ZNF578: variants seen among roughly 807,000 people sequenced by gnomAD.
ZNF578 encodes Putative chemokine-related protein B42.
ZNF578 carries 8 observed loss-of-function variants against 8.3 expected under a neutral mutation model. The observed-to-expected ratio is 0.96, with a 90% CI of 0.56 to 1.74. ZNF578 has a LOEUF of 1.74. Ranked by LOEUF, ZNF578 falls within the 40% of genes most tolerant of loss-of-function variation. The probability of loss-of-function intolerance (pLI) is 0.00; values close to 1 mark genes in which losing one functional copy is unlikely to be tolerated. For missense variants in ZNF578, 726 were observed against 707.5 expected (o/e 1.03, Z -0.30); for synonymous variants, 206 against 232.2 (o/e 0.89, Z 1.03).
At chr19:52,489,836 T>A (rs758482221) in intron 2 of ZNF578, among the ~76,000 whole-genome samples, 1 of 151,962 alleles carries the variant, frequency 6.6e-6, no homozygotes, top group Non-Finnish European at 1.5e-5. Context: ...TTTTGTACTT[T>A]TAGTAGAGAT....
chr19:52,510,041 C>T (rs12974840), intron 5 of ZNF578, among the ~76,000 whole-genome samples: 43,070 of 151,752 alleles, frequency 0.28, 6,504 homozygotes, highest in East Asian at 0.48. Context: ...GCCAGCACAC[C>T]TGGCTAATTT....
At chr19:52,462,600 G>A (rs1433852486) in intron 2 of ZNF578, among the ~76,000 whole-genome samples, 5 of 152,182 alleles carry the variant, frequency 3.3e-5, no homozygotes, top group Non-Finnish European at 1.5e-5. Flanking sequence ...CGAGTTTAGT[G>A]GTTTTTGTTG....
Position 52,504,801 on chromosome 19 carries a change from A to G in ZNF578, c.190+20A>G. On this transcript the variant is annotated intron_variant, in intron 5 of 5. Transcript: ENST00000421239. ...CTGTGGGTGAGGAAAATGTCCCTGC[A>G]GACATGAGGAGTCTGCTCTTGTCTG... 1 of 1,613,810 alleles carries G rather than the reference A, an allele frequency of 6.2e-7. No homozygotes were observed. The highest frequency in any genetic ancestry group is 8.5e-7 in the Non-Finnish European group (1 of 1,179,918).
chr19:52,493,676 A>G (rs1002197925), intron 3 of ZNF578, among the ~76,000 whole-genome samples: 4 of 152,034 alleles, frequency 2.6e-5, no homozygotes, highest in African/African-American at 9.6e-5. Context: ...CGATCGAAAG[A>G]TTGGGGGGAA....
chr19:52,454,375 T>G (rs552879412), intron 1 of ZNF578: 1 of 152,186 alleles, frequency 6.6e-6, no homozygotes. Flanking sequence ...CAGCTGTACC[T>G]GGTGTAAGCA....
At position 52,510,897 on chromosome 19, in the gene ZNF578, C is replaced by G. The variant is rs61743936; in HGVS notation, c.516C>G (p.Pro172=). The G allele has an allele frequency of 3.7e-6, 6 of 1,614,060 alleles. No homozygotes were observed. The highest frequency in any genetic ancestry group is 2.2e-5 in the South Asian group (2 of 91,070). Residue 172 remains proline (P), a synonymous_variant, in exon 6 of 6, where the codon CCC becomes CCG. Coordinates refer to ENST00000421239, the MANE Select transcript of ZNF578 (RefSeq NM_001099694.2). The part of the protein sequence containing the change: ...LHLPELHIFQ[P]EEKIANQVEK... ...TTCCTGAACTCCACATATTTCAGCCCGAAGAGAAAATTGCTAATCAAGTGG... is the reference window on the plus strand; with the variant it reads ...TTCCTGAACTCCACATATTTCAGCCGGAAGAGAAAATTGCTAATCAAGTGG...
chr19:52,454,981 C>CAG (rs2059234751), intron 1 of ZNF578: 1 of 152,172 alleles, frequency 6.6e-6, no homozygotes, highest in African/African-American at 2.4e-5. Flanking sequence ...AACAGGCTCA[C>CAG]TTACCTGTCT....
intron 2 of ZNF578, among the ~76,000 whole-genome samples, chr19:52,479,542 C>CAAA (rs34862610): frequency 1.6e-4 from 10 of 64,204 alleles, no homozygotes; most frequent in South Asian, 5.5e-4. Context: ...GACTCCATCT[C>CAAA]AAAAAAAAAA....
At chr19:52,501,623 G>A (rs569528622) in intron 3 of ZNF578, among the ~76,000 whole-genome samples, 4 of 119,936 alleles carry the variant, frequency 3.3e-5, no homozygotes, top group Admixed American at 2.4e-4. Context: ...TGCTCCAGGA[G>A]GGGGGCGAGA....
chr19:52,457,698 A>C (rs1000480628), intron 2 of ZNF578: 10 of 152,238 alleles, frequency 6.6e-5, no homozygotes, highest in African/African-American at 2.2e-4. Flanking sequence ...GTGTGGGGAA[A>C]GTACCCACAT....
At chr19:52,489,319 G>C (rs1307754523) in intron 2 of ZNF578, among the ~76,000 whole-genome samples, 1 of 152,140 alleles carries the variant, frequency 6.6e-6, no homozygotes, top group Non-Finnish European at 1.5e-5. Flanking sequence ...GCCATGTGCT[G>C]TGGCTCACAC....
chr19:52,492,989 A>T (rs931944663), intron 3 of ZNF578: 1 of 152,226 alleles, frequency 6.6e-6, no homozygotes, highest in African/African-American at 2.4e-5. Flanking sequence ...GAGCAAATTG[A>T]GATGTCCCCG....
chr19:52,512,145 GTCA>G lies in ZNF578; in HGVS notation c.1769_1771del (p.Ser590del), dbSNP rs753227659. ...TTGATTCATCAATCAAGCCTTGCAT[GTCA>G]TCATAGACTTCATACTGGAGAGAAA... On this transcript the variant is annotated inframe_deletion, in exon 6 of 6. Coordinates refer to ENST00000421239, the MANE Select transcript of ZNF578 (RefSeq NM_001099694.2). 7 of 1,613,676 alleles carry G rather than the reference GTCA, an allele frequency of 4.3e-6. No individual in the cohort carries two copies. The South Asian group carries it at 6.6e-5, about 15-fold the overall frequency.
chr19:52,501,993 G>GT, intron 4 of ZNF578, 85 bp downstream of exon 4: 1 of 1,530,390 alleles, frequency 6.5e-7, no homozygotes, highest in Middle Eastern at 1.8e-4. Context: ...GTAATGTATT[G>GT]TAACAGCCAG....
At chr19:52,487,322 CTT>C (rs1159725843) in intron 2 of ZNF578, among the ~76,000 whole-genome samples, 1 of 152,080 alleles carries the variant, frequency 6.6e-6, no homozygotes, top group Non-Finnish European at 1.5e-5. Context: ...GGGCGAGAGA[CTT>C]TGGGTTTAGA....
At chr19:52,487,011 T>C (rs10405433) in intron 2 of ZNF578, among the ~76,000 whole-genome samples, 48,285 of 150,080 alleles carry the variant, frequency 0.32, 8,012 homozygotes, top group Non-Finnish European at 0.36. Flanking sequence ...GAGAGAGATA[T>C]ACAGAATTAG....
intron 2 of ZNF578, chr19:52,473,253 T>C (rs2059297689): frequency 6.5e-6 from 1 of 153,882 alleles, no homozygotes; most frequent in Admixed American, 6.5e-5. Flanking sequence ...CATGAATTAA[T>C]TATCTGATGC....
Position 52,504,677 on chromosome 19 carries a change from T to C in ZNF578, c.86T>C (p.Val29Ala). Residue 29 changes from valine to alanine, a missense_variant, in exon 5 of 6, where the codon GTG (valine) becomes GCG (alanine). Transcript: ENST00000421239. ...TAGGGACGCTTGACTTTCAGGGATG[T>C]GGCTATAGAATTCTCATTGGCAGAG... ...LPQGRLTFRD[V>A]AIEFSLAEWK... is the part of the protein sequence containing the mutation. 1 of 1,614,114 alleles carries C rather than the reference T, an allele frequency of 6.2e-7. No individual in the cohort carries two copies. The highest frequency in any genetic ancestry group is 8.5e-7 in the Non-Finnish European group (1 of 1,180,014).
intron 2 of ZNF578, among the ~76,000 whole-genome samples, chr19:52,478,267 A>G (rs553977992): frequency 1.3e-5 from 2 of 152,370 alleles, no homozygotes; most frequent in South Asian, 4.1e-4. Flanking sequence ...TCCATTATTA[A>G]GTACACTAGC....
Sources: gnomAD v4.1 joint callset for allele counts (sites outside exome capture counted in the v4.1 genomes callset) on GRCh38, gnomAD v4.1.1 for gene constraint, MANE v1.5 for transcripts, NCBI Gene and HGNC (gene_info 2026-07-23, HGNC 2026-07-21) for gene names.